The following CHN2 variants were observed in gnomAD, a reference collection of about 807,000 sequenced individuals.
The protein encoded by CHN2 is chimerin 2.
A neutral mutation model predicts 56.3 loss-of-function variants in CHN2; 35 were observed. The ratio of observed to expected loss-of-function variants is 0.62; its 90% CI spans 0.47 to 0.82. The LOEUF is 0.82. Among genes scored for constraint, CHN2 ranks in the 40% least tolerant of loss-of-function variants. The pLI, the probability that CHN2 is intolerant of heterozygous loss-of-function variation, is 0.00. For missense variants in CHN2, 491 were observed against 580.5 expected (o/e 0.85, Z 1.58); for synonymous variants, 210 against 212.8 (o/e 0.99, Z 0.12).
intron 1 of CHN2, among the ~76,000 whole-genome samples, chr7:29,295,466 A>T (rs903424381): frequency 1.0e-4 from 15 of 147,886 alleles, no homozygotes; most frequent in Admixed American, 6.8e-4. Flanking sequence ...CAACCCCTTT[A>T]AAAAAAAAAA....
chr7:29,365,294 A>G (rs908067517), intron 2 of CHN2, among the ~76,000 whole-genome samples: 2 of 152,216 alleles, frequency 1.3e-5, no homozygotes, highest in African/African-American at 4.8e-5. Context: ...ATTTATATCC[A>G]TAGCACCTCA....
chr7:29,349,354 ATAT>A (rs1279964365), intron 1 of CHN2, among the ~76,000 whole-genome samples: 1 of 152,208 alleles, frequency 6.6e-6, no homozygotes, highest in African/African-American at 2.4e-5. Context: ...ATGTTGGGTG[ATAT>A]TATTACTCTC....
intron 1 of CHN2, among the ~76,000 whole-genome samples, 184 bp from the exon 2 acceptor site, chr7:29,354,441 G>A (rs937925474): frequency 3.9e-5 from 6 of 152,092 alleles, no homozygotes; most frequent in African/African-American, 1.2e-4. Flanking sequence ...GTGGTGCTGA[G>A]TCCACAAGGT....
At chr7:29,301,442 C>T (rs1437759658) in intron 1 of CHN2, among the ~76,000 whole-genome samples, 1 of 151,162 alleles carries the variant, frequency 6.6e-6, no homozygotes, top group Non-Finnish European at 1.5e-5. Context: ...ACTGCTTTGC[C>T]CTAAAAGAGG....
chr7:29,277,714 C>T lies in CHN2; in HGVS notation c.50-76911C>T, dbSNP rs180821374. ...CACATACTGTGGCTTTTCCCAGCAG[C>T]GTCTTCAAGGCAGTTTCTTACACCA... On this transcript the variant is annotated intron_variant, in intron 1 of 12. Coordinates refer to ENST00000222792, the MANE Select transcript of CHN2 (RefSeq NM_004067.4). 8.5e-5 allele frequency among the ~76,000 whole-genome samples: 13 copies of T among 152,306 alleles called. No individual in the cohort carries two copies. In the East Asian group the frequency reaches 1.9e-3, roughly 23 times the overall value.
At chr7:29,170,015 T>C (rs961445304) in intron 2 of CHN2, among the ~76,000 whole-genome samples, 2 of 151,960 alleles carry the variant, frequency 1.3e-5, no homozygotes, top group African/African-American at 4.8e-5. Flanking sequence ...GCACTGGAGT[T>C]ACAGGTGTGA....
intron 1 of CHN2, among the ~76,000 whole-genome samples, chr7:29,217,818 G>T (rs1287367691): frequency 6.6e-6 from 1 of 152,156 alleles, no homozygotes; most frequent in Non-Finnish European, 1.5e-5. Context: ...TGGGCAGCAG[G>T]TTGGAAGGCA....
chr7:29,287,178 A>G (rs1792215399), intron 1 of CHN2, among the ~76,000 whole-genome samples: 2 of 152,140 alleles, frequency 1.3e-5, no homozygotes, highest in Admixed American at 1.3e-4. Context: ...GAGGGCAGAG[A>G]GACTTTTGCT....
At chr7:29,402,064 AAACC>A (rs1802259540) in intron 6 of CHN2, among the ~76,000 whole-genome samples, 1 of 152,150 alleles carries the variant, frequency 6.6e-6, no homozygotes. Flanking sequence ...AATCCTAGTT[AAACC>A]GGAACGGGCC....
intron 1 of CHN2, among the ~76,000 whole-genome samples, chr7:29,222,489 G>GGATGGTA (rs1785883929): frequency 1.3e-5 from 1 of 75,632 alleles, no homozygotes; most frequent in African/African-American, 5.5e-5. Context: ...AACCAAAACA[G>GGATGGTA]CACAGACACA....
intron 1 of CHN2, among the ~76,000 whole-genome samples, chr7:29,343,782 T>A (rs34156331): frequency 0.22 from 33,681 of 151,700 alleles, 4,451 homozygotes; most frequent in Non-Finnish European, 0.3. Context: ...GTTCCCCCTG[T>A]GTCATGTCAT....
rs567126386 is a variant in CHN2 at position 29,150,561 on chromosome 7, T to G, written c.274+3601T>G. 6.6e-5 allele frequency among the ~76,000 whole-genome samples: 10 copies of G among 152,368 alleles called. No individual in the cohort carries two copies. The South Asian group carries it at 2.1e-3, about 32-fold the overall frequency. On this transcript the variant is annotated intron_variant, in intron 2 of 6. Transcript: ENST00000439384. ...AAGAAGACACAGAGAATAGATCATT[T>G]ACACATCTTGATCAGGTAAATACAA...
chr7:29,333,662 TATTG>T (rs1272949807), intron 1 of CHN2, among the ~76,000 whole-genome samples: 1 of 152,212 alleles, frequency 6.6e-6, no homozygotes, highest in Non-Finnish European at 1.5e-5. Context: ...CACGGTTTCA[TATTG>T]AACATGGTCT....
At position 29,508,415 on chromosome 7, in the gene CHN2, AT is replaced by A. The variant is rs1240803091; in HGVS notation, c.1130-883del. On this transcript the variant is annotated intron_variant, in intron 11 of 12. Coordinates refer to ENST00000222792, the MANE Select transcript of CHN2 (RefSeq NM_004067.4). ...GCTTGTTGTTGTTGTTGTTGTTTTT[AT>A]TTAAAAAAAAAAAAAAAACCTTTAA... 2.5e-4 allele frequency among the ~76,000 whole-genome samples: 18 copies of A among 72,082 alleles called. No homozygotes were observed. In the South Asian group the frequency reaches 4.4e-3, roughly 18 times the overall value. The allele number at this position is 72,082 out of a possible 152,430, so 47.3% of individuals were successfully genotyped here.
chr7:29,326,082 T>G (rs536336188), intron 1 of CHN2, among the ~76,000 whole-genome samples: 2 of 152,222 alleles, frequency 1.3e-5, no homozygotes, highest in African/African-American at 4.8e-5. Context: ...GTGTCCTATA[T>G]GCAAGTCACG....
At chr7:29,199,567 T>G (rs996512420) in intron 1 of CHN2, 3 of 152,194 alleles carry the variant, frequency 2.0e-5, no homozygotes, top group Non-Finnish European at 4.4e-5. Context: ...AATAAAAAAC[T>G]TGCAAAGCTA....
At chr7:29,348,008 C>T (rs1797593560) in intron 1 of CHN2, among the ~76,000 whole-genome samples, 1 of 151,942 alleles carries the variant, frequency 6.6e-6, no homozygotes, top group Non-Finnish European at 1.5e-5. Flanking sequence ...TTTTTTTCCC[C>T]CTCAGGTTGG....
intron 6 of CHN2, among the ~76,000 whole-genome samples, chr7:29,442,681 G>A (rs1666686952): frequency 1.3e-5 from 2 of 152,100 alleles, no homozygotes; most frequent in African/African-American, 4.8e-5. Context: ...CCACATGCAA[G>A]AGTGTCATAT....
intron 1 of CHN2, among the ~76,000 whole-genome samples, chr7:29,201,060 T>A (rs1001121633): frequency 7.2e-5 from 11 of 152,236 alleles, no homozygotes; most frequent in Admixed American, 7.2e-4. Flanking sequence ...TTAGCATTCC[T>A]TTGCTTCAAC....
Sources: allele counts gnomAD v4.1 joint callset (sites outside exome capture counted in the v4.1 genomes callset), GRCh38; gene constraint gnomAD v4.1.1; transcripts MANE v1.5; gene names NCBI Gene and HGNC (gene_info 2026-07-23, HGNC 2026-07-21).